Variants in RPL39L observed in about 807,000 individuals in gnomAD.
RPL39L encodes ribosomal protein eL39-like 2.
For synonymous variants in RPL39L, 16 were observed against 20.1 expected, an observed-to-expected ratio of 0.80 and a Z score of 0.55; for missense variants, 48 against 58.9, an observed-to-expected ratio of 0.81 and a Z score of 0.61.
Position 187,121,102 on chromosome 3 carries a change from C to A in RPL39L, c.*43G>T. 2 of 1,606,210 alleles carry A rather than the reference C, an allele frequency of 1.2e-6. No individual in the cohort carries two copies. On this transcript the variant is annotated 3_prime_UTR_variant, in exon 3 of 3. Transcript: ENST00000296277. Reference sequence around the variant, plus strand: ...CTTGATATCGTAAGATGATCGTGAACTTGATACAGCATAAATATGTGTGCC... The same window carrying A: ...CTTGATATCGTAAGATGATCGTGAAATTGATACAGCATAAATATGTGTGCC...
chr3:187,132,169 T>C lies in RPL39L; in HGVS notation c.-92-4107A>G, dbSNP rs568694818. On this transcript the variant is annotated intron_variant, in intron 1 of 2. Transcript: ENST00000296277. Reference sequence around the variant, plus strand: ...AACACAATACCAGAGGTATTGCCCATGGTAACATAAACCAAATATGCCCCC... The same window carrying C: ...AACACAATACCAGAGGTATTGCCCACGGTAACATAAACCAAATATGCCCCC... 1.3e-4 allele frequency among the ~76,000 whole-genome samples: 20 copies of C among 152,320 alleles called. 1 individual carries two copies. The South Asian group carries it at 3.5e-3, about 27-fold the overall frequency.
At chr3:187,132,035 C>T (rs983586660) in intron 1 of RPL39L, among the ~76,000 whole-genome samples, 10 of 152,170 alleles carry the variant, frequency 6.6e-5, no homozygotes, top group African/African-American at 2.2e-4. Context: ...ACGCTTTCGT[C>T]GTCACACCAG....
At chr3:187,126,505 G>A (rs967392678) in intron 2 of RPL39L, among the ~76,000 whole-genome samples, 1 of 151,984 alleles carries the variant, frequency 6.6e-6, no homozygotes, top group Non-Finnish European at 1.5e-5. Context: ...ACAGTATTTT[G>A]AAAAATACTG....
chr3:187,121,079 T>G lies in RPL39L; in HGVS notation c.*66A>C. On this transcript the variant is annotated 3_prime_UTR_variant, in exon 3 of 3. Coordinates refer to ENST00000296277, the MANE Select transcript of RPL39L (RefSeq NM_052969.3). ...CCAGGTAGTGGTGACATTTTCAGCTTGATATCGTAAGATGATCGTGAACTT... is the reference window on the plus strand; with the variant it reads ...CCAGGTAGTGGTGACATTTTCAGCTGGATATCGTAAGATGATCGTGAACTT... 103 of 1,563,376 alleles carry G rather than the reference T, an allele frequency of 6.6e-5. No individual in the cohort carries two copies. Among genetic ancestry groups the G allele is most frequent in the Middle Eastern group, 2.3e-4 (1 of 4,340 alleles).
chr3:187,123,261 T>C (rs968644906), intron 2 of RPL39L, among the ~76,000 whole-genome samples: 1 of 152,142 alleles, frequency 6.6e-6, no homozygotes, highest in African/African-American at 2.4e-5. Flanking sequence ...GTGTGGGGTG[T>C]GGTTGAGATA....
chr3:187,132,350 A>C (rs1315125273), intron 1 of RPL39L, among the ~76,000 whole-genome samples: 1 of 152,244 alleles, frequency 6.6e-6, no homozygotes, highest in Non-Finnish European at 1.5e-5. Flanking sequence ...TTTTGCTCAA[A>C]AATCTATGAA....
At chr3:187,131,895 T>G (rs573176626) in intron 1 of RPL39L, among the ~76,000 whole-genome samples, 1 of 152,236 alleles carries the variant, frequency 6.6e-6, no homozygotes, top group Non-Finnish European at 1.5e-5. Context: ...GTGTTGATTC[T>G]GCTGTACTAA....
chr3:187,134,496 A>AAAAAAAAAAAAAAAAAAAAAAAG (rs1362750015), intron 1 of RPL39L, among the ~76,000 whole-genome samples: 2 of 150,902 alleles, frequency 1.3e-5, no homozygotes, highest in South Asian at 2.2e-4. Flanking sequence ...AAAAAAAAAA[A>AAAAAAAAAAAAAAAAAAAAAAAG]AAAAAAGAAG....
At chr3:187,123,310 C>T (rs1027262003) in intron 2 of RPL39L, among the ~76,000 whole-genome samples, 8 of 152,068 alleles carry the variant, frequency 5.3e-5, no homozygotes, top group South Asian at 2.1e-4. Flanking sequence ...AAAACTAAGC[C>T]GCAAGTATCC....
chr3:187,125,040 TAGATCATATTCTA>T (rs1206620871), intron 2 of RPL39L, among the ~76,000 whole-genome samples: 2 of 152,204 alleles, frequency 1.3e-5, no homozygotes, highest in African/African-American at 4.8e-5. Context: ...CACATGTCTT[TAGATCATATTCTA>T]GCTGGGAAGG....
chr3:187,137,813 C>T (rs1425253783), intron 1 of RPL39L, among the ~76,000 whole-genome samples: 1 of 132,900 alleles, frequency 7.5e-6, no homozygotes, highest in Admixed American at 7.2e-5. Flanking sequence ...CAGAAGGATA[C>T]TCCGTCTCAA....
intron 1 of RPL39L, among the ~76,000 whole-genome samples, chr3:187,132,722 CCAA>C (rs1364874385): frequency 1.3e-5 from 2 of 152,248 alleles, no homozygotes; most frequent in African/African-American, 4.8e-5. Flanking sequence ...CGCTCCTATG[CCAA>C]CAACCAGAAG....
chr3:187,136,447 G>A (rs903921407), intron 1 of RPL39L, among the ~76,000 whole-genome samples: 3 of 152,224 alleles, frequency 2.0e-5, no homozygotes, highest in Non-Finnish European at 4.4e-5. Flanking sequence ...GCCAGCAACT[G>A]AGTTGGTTCT....
intron 2 of RPL39L, among the ~76,000 whole-genome samples, chr3:187,126,009 A>T (rs1379082474): frequency 6.6e-6 from 1 of 152,192 alleles, no homozygotes; most frequent in African/African-American, 2.4e-5. Context: ...TCATAAGGTT[A>T]AAGGTCATAA....
intron 1 of RPL39L, among the ~76,000 whole-genome samples, chr3:187,137,150 G>A (rs1490966889): frequency 8.0e-6 from 1 of 124,564 alleles, no homozygotes; most frequent in East Asian, 2.7e-4. Flanking sequence ...AGTGAGTCAT[G>A]ATTGAGTCAA....
intron 1 of RPL39L, among the ~76,000 whole-genome samples, chr3:187,132,535 C>A (rs1275587708): frequency 6.6e-6 from 1 of 152,164 alleles, no homozygotes; most frequent in African/African-American, 2.4e-5. Flanking sequence ...TTTCCTTATT[C>A]TCTATTTTCG....
chr3:187,128,465 C>T (rs1215798980), intron 1 of RPL39L, among the ~76,000 whole-genome samples: 1 of 152,172 alleles, frequency 6.6e-6, no homozygotes, highest in Non-Finnish European at 1.5e-5. Context: ...GCCCTCCTCA[C>T]CTTTCCTCTG....
chr3:187,135,116 G>A (rs1720551875), intron 1 of RPL39L, among the ~76,000 whole-genome samples: 1 of 152,196 alleles, frequency 6.6e-6, no homozygotes, highest in African/African-American at 2.4e-5. Context: ...CTGTGTGATG[G>A]TAGATCCTCC....
chr3:187,129,674 C>T (rs13061129), intron 1 of RPL39L, among the ~76,000 whole-genome samples: 62,217 of 152,048 alleles, frequency 0.41, 17,087 homozygotes, highest in African/African-American at 0.79. Flanking sequence ...ATATGTAGTA[C>T]CTTTTCATTA....
Sources: allele counts gnomAD v4.1 joint callset (sites outside exome capture counted in the v4.1 genomes callset), GRCh38; gene constraint gnomAD v4.1.1; transcripts MANE v1.5; gene names NCBI Gene and HGNC (gene_info 2026-07-23, HGNC 2026-07-21).